NRCAM: variants seen among roughly 807,000 people sequenced by gnomAD.
The protein encoded by NRCAM is NgCAM-related cell adhesion molecule.
Under a neutral mutation model 156.5 loss-of-function variants are expected in NRCAM, and 83 were observed. The ratio of observed to expected loss-of-function variants is 0.53; its 90% CI spans 0.44 to 0.64. NRCAM has a LOEUF of 0.64. Ranked by LOEUF, NRCAM falls within the 30% of genes least tolerant of loss-of-function variation. NRCAM has a pLI of 0.00. For synonymous variants in NRCAM, 538 were observed against 563.9 expected, an observed-to-expected ratio of 0.95 and a Z score of 0.65; for missense variants, 1,417 against 1,597.3, an observed-to-expected ratio of 0.89 and a Z score of 1.92.
intron 4 of NRCAM, among the ~76,000 whole-genome samples, chr7:108,239,022 C>A (rs1374593270): frequency 1.3e-5 from 2 of 152,170 alleles, no homozygotes; most frequent in African/African-American, 4.8e-5. Flanking sequence ...GGAAAGCTTG[C>A]CAAACAGATA....
At chr7:108,180,182 C>A (rs746651590) in intron 25 of NRCAM, 41 bp downstream of exon 25, 1 of 1,565,760 alleles carries the variant, frequency 6.4e-7, no homozygotes, top group East Asian at 2.2e-5. Flanking sequence ...TCAGGCCATG[C>A]CATATGTTCC....
At chr7:108,345,661 G>T (rs986885359) in intron 2 of NRCAM, among the ~76,000 whole-genome samples, 3 of 152,142 alleles carry the variant, frequency 2.0e-5, no homozygotes, top group East Asian at 1.9e-4. Context: ...CACCATATGA[G>T]GATACAGCAA....
intron 1 of NRCAM, among the ~76,000 whole-genome samples, chr7:108,422,891 C>G (rs530020345): frequency 6.6e-6 from 1 of 152,290 alleles, no homozygotes; most frequent in South Asian, 2.1e-4. Flanking sequence ...CTCCCACCTT[C>G]CCTGGCTGCA....
At chr7:108,201,460 A>T (rs1233520132) in intron 13 of NRCAM, among the ~76,000 whole-genome samples, 1 of 152,230 alleles carries the variant, frequency 6.6e-6, no homozygotes, top group Admixed American at 6.5e-5. Context: ...CCACCACGCG[A>T]TATTTAATGG....
intron 17 of NRCAM, 101 bp downstream of exon 17, chr7:108,193,923 A>T: frequency 4.1e-6 from 5 of 1,228,950 alleles, no homozygotes; most frequent in Non-Finnish European, 5.6e-6. Context: ...CAGACTTCAG[A>T]AACTAAAAAC....
intron 2 of NRCAM, among the ~76,000 whole-genome samples, chr7:108,346,952 T>G (rs1337474688): frequency 1.3e-5 from 2 of 152,134 alleles, no homozygotes. Flanking sequence ...TAAAATTAAT[T>G]TCACCTATTT....
At chr7:108,201,372 C>T (rs1172287004) in intron 13 of NRCAM, among the ~76,000 whole-genome samples, 2 of 151,918 alleles carry the variant, frequency 1.3e-5, no homozygotes, top group South Asian at 2.1e-4. Flanking sequence ...AGCTCTGGGC[C>T]GAATCTCTCT....
intron 2 of NRCAM, among the ~76,000 whole-genome samples, chr7:108,361,867 T>C (rs1201209870): frequency 1.4e-5 from 2 of 145,750 alleles, no homozygotes; most frequent in Non-Finnish European, 3.0e-5. Flanking sequence ...ATGTATTATA[T>C]ACGTATATAT....
chr7:108,360,686 C>G (rs2099544148), intron 2 of NRCAM, among the ~76,000 whole-genome samples: 1 of 152,102 alleles, frequency 6.6e-6, no homozygotes, highest in Admixed American at 6.6e-5. Context: ...CTAAACAAAC[C>G]CTTACATTTA....
Position 108,194,301 on chromosome 7 carries a change from A to C in NRCAM, c.1591T>G (p.Leu531Val). ...GTYTCVARNK[L>V]GMAKNEVHLE... ...TGAACTTCATTCTTCGCCATCCCTA[A>C]TTTATTCCTTGCAACACACGTATAA... Residue 531 changes from leucine to valine, a missense_variant, in exon 16 of 33, where the codon TTA (leucine) becomes GTA (valine). Coordinates refer to ENST00000379028, the MANE Select transcript of NRCAM (RefSeq NM_001037132.4). The C allele has an allele frequency of 6.2e-7, 1 of 1,613,230 alleles. No homozygotes were observed. Among genetic ancestry groups the C allele is most frequent in the Admixed American group, 1.7e-5 (1 of 59,980 alleles).
At chr7:108,250,425 CAAAAAAAAAAAAAA>C (rs34274206) in intron 3 of NRCAM, among the ~76,000 whole-genome samples, 1 of 67,388 alleles carries the variant, frequency 1.5e-5, no homozygotes, top group Admixed American at 2.2e-4. Flanking sequence ...CATCTTACCT[CAAAAAAAAAAAAAA>C]AAAAAAAAAA....
rs1382730122 is a variant in NRCAM, at chr7:108,166,927, C to T, written c.3460G>A (p.Gly1154Ser). ...GGTGTGGTGTGAGCCTCACCTGGGC[C>T]TGTCTCAAACACATCCTCTGAACTC... ...FVSSEDVFET[G>S]PAMASRQVDI... Residue 1154 changes from glycine (G) to serine (S), a missense_variant, in exon 30 of 33, where the codon GGC becomes AGC. Physicochemically the swap from Gly to Ser is moderately conservative, Grantham distance 56. Around this residue, in one of 2 missense-constraint regions of NRCAM, gnomAD observed 179 missense variants for 260.9 expected, o/e 0.69. Transcript: ENST00000379028. 1 of 1,613,798 alleles carries T rather than the reference C, an allele frequency of 6.2e-7. No homozygotes were observed.
chr7:108,356,128 T>C (rs1594883652), intron 2 of NRCAM, among the ~76,000 whole-genome samples: 1 of 152,116 alleles, frequency 6.6e-6, no homozygotes, highest in Non-Finnish European at 1.5e-5. Flanking sequence ...TTTGTAGTTT[T>C]AGTAGAGACA....
intron 1 of NRCAM, among the ~76,000 whole-genome samples, chr7:108,401,433 C>G (rs891868284): frequency 6.6e-6 from 1 of 151,962 alleles, no homozygotes; most frequent in Non-Finnish European, 1.5e-5. Flanking sequence ...CCCCGCTACT[C>G]CAGAGGCTGA....
At chr7:108,159,332 TG>T in intron 32 of NRCAM, 130 bp downstream of exon 32, 1 of 804,240 alleles carries the variant, frequency 1.2e-6, no homozygotes, top group Non-Finnish European at 2.2e-6. Context: ...CACTGATACA[TG>T]GAAGTATCCC....
chr7:108,373,751 T>C (rs138976542), intron 2 of NRCAM, among the ~76,000 whole-genome samples: 2 of 152,208 alleles, frequency 1.3e-5, no homozygotes, highest in Non-Finnish European at 2.9e-5. Flanking sequence ...GAGCTAATGG[T>C]TGTCACTGGT....
intron 2 of NRCAM, among the ~76,000 whole-genome samples, chr7:108,396,069 A>G (rs992481904): frequency 2.0e-5 from 3 of 152,160 alleles, no homozygotes; most frequent in Non-Finnish European, 2.9e-5. Context: ...ACAACATGCT[A>G]TTTCCACTAC....
At chr7:108,315,067 T>C (rs537452545) in intron 2 of NRCAM, among the ~76,000 whole-genome samples, 5 of 150,950 alleles carry the variant, frequency 3.3e-5, no homozygotes, top group South Asian at 2.1e-4. Flanking sequence ...AGATGAGAAA[T>C]AGTTTTCAGA....
chr7:108,255,590 C>A (rs1421491938), intron 3 of NRCAM, among the ~76,000 whole-genome samples: 1 of 152,096 alleles, frequency 6.6e-6, no homozygotes, highest in Non-Finnish European at 1.5e-5. Flanking sequence ...GCCGCCACCC[C>A]GTCTGGGAAG....
Sources: gnomAD v4.1 joint callset for allele counts (sites outside exome capture counted in the v4.1 genomes callset) on GRCh38, gnomAD v4.1.1 for gene constraint, gnomAD v4.1.1 regional missense constraint, MANE v1.5 for transcripts, NCBI Gene and HGNC (gene_info 2026-07-23, HGNC 2026-07-21) for gene names.